The following GPD1L variants were observed in gnomAD, a reference collection of about 807,000 sequenced individuals.
GPD1L encodes glycerol-3-phosphate dehydrogenase 1-like protein.
Under a neutral mutation model 32.9 loss-of-function variants are expected in GPD1L, and 17 were observed. The ratio of observed to expected loss-of-function variants is 0.52; its 90% CI spans 0.35 to 0.78. The LOEUF is 0.78. Among genes scored for constraint, GPD1L ranks in the 30% least tolerant of loss-of-function variants. The probability of loss-of-function intolerance (pLI) is 0.01; values close to 1 mark genes in which losing one functional copy is unlikely to be tolerated. For missense variants in GPD1L, 361 were observed against 447.8 expected (o/e 0.81, Z 1.75); for synonymous variants, 187 against 165.9 (o/e 1.13, Z -0.98).
At chr3:32,123,796 A>AGATG (rs1700460218) in intron 1 of GPD1L, among the ~76,000 whole-genome samples, 1 of 118,470 alleles carries the variant, frequency 8.4e-6, no homozygotes, top group Non-Finnish European at 2.0e-5. Flanking sequence ...ATTGAAAGAT[A>AGATG]GATAGATAGA....
chr3:32,118,044 G>A (rs11719689), intron 1 of GPD1L, among the ~76,000 whole-genome samples: 67,071 of 151,938 alleles, frequency 0.44, 17,547 homozygotes, highest in African/African-American at 0.72. Flanking sequence ...ACATATTGAA[G>A]TAAGTATCAA....
intron 1 of GPD1L, among the ~76,000 whole-genome samples, chr3:32,110,534 C>G (rs1700231369): frequency 6.6e-6 from 1 of 152,246 alleles, no homozygotes. Context: ...CAATTGTCAT[C>G]AGTTGCAATA....
intron 7 of GPD1L, among the ~76,000 whole-genome samples, chr3:32,162,157 A>C (rs535676347): frequency 7.2e-5 from 11 of 152,292 alleles, no homozygotes; most frequent in African/African-American, 2.6e-4. Context: ...TTATCCACAA[A>C]ATTAAGATGG....
chr3:32,143,048 G>T (rs1253662000), intron 4 of GPD1L, among the ~76,000 whole-genome samples: 2 of 152,076 alleles, frequency 1.3e-5, no homozygotes, highest in Non-Finnish European at 2.9e-5. Flanking sequence ...GCCTGGTATG[G>T]TAGTACATAC....
chr3:32,150,191 A>G (rs1700892978), intron 5 of GPD1L, among the ~76,000 whole-genome samples: 1 of 152,160 alleles, frequency 6.6e-6, no homozygotes, highest in Non-Finnish European at 1.5e-5. Flanking sequence ...GATTTTTATA[A>G]GTGGAACTGT....
intron 1 of GPD1L, among the ~76,000 whole-genome samples, chr3:32,116,084 G>A (rs768489234): frequency 3.9e-5 from 6 of 152,118 alleles, no homozygotes; most frequent in Non-Finnish European, 5.9e-5. Flanking sequence ...CACCGTGCCC[G>A]GCCAGGTTGA....
chr3:32,116,649 C>T (rs368240524), intron 1 of GPD1L, among the ~76,000 whole-genome samples: 9 of 152,138 alleles, frequency 5.9e-5, no homozygotes, highest in Non-Finnish European at 1.2e-4. Flanking sequence ...GACTGATTTA[C>T]TACTACCAAT....
At chr3:32,159,710 G>T (rs375589412) in intron 7 of GPD1L, 36 bp downstream of exon 7, 4 of 1,217,228 alleles carry the variant, frequency 3.3e-6, no homozygotes, top group East Asian at 2.3e-5. Context: ...CCAGATAAAT[G>T]TCCATCATTC....
At chr3:32,152,404 A>G (rs188923345) in intron 5 of GPD1L, among the ~76,000 whole-genome samples, 1 of 152,282 alleles carries the variant, frequency 6.6e-6, no homozygotes, top group East Asian at 1.9e-4. Context: ...TAATGAACAG[A>G]AATGTATTGG....
intron 1 of GPD1L, among the ~76,000 whole-genome samples, chr3:32,107,947 G>A (rs1254880189): frequency 6.6e-6 from 1 of 152,106 alleles, no homozygotes; most frequent in East Asian, 1.9e-4. Flanking sequence ...GCAGTGGTGC[G>A]ATCTTGGCTC....
At position 32,166,113 on chromosome 3, in the gene GPD1L, C is replaced by T. The variant is rs968373240; in HGVS notation, c.*203C>T. On this transcript the variant is annotated 3_prime_UTR_variant, in exon 8 of 8. Transcript: ENST00000282541. The stretch of plus-strand genomic sequence containing the variant: ...GGCAGTAACTAAACACACATGCAAA[C>T]ATGTGAATGGTGGTTTATTCCTCAT... The T allele has an allele frequency of 3.3e-6, 2 of 612,234 alleles. No homozygotes were observed. Among genetic ancestry groups the T allele is most frequent in the South Asian group, 1.9e-5 (1 of 52,608 alleles). The allele number at this position is 612,234 out of a possible 1,614,324, so 37.9% of individuals were successfully genotyped here. A position where few individuals can be genotyped will look rare whatever the true frequency, so the allele number is the denominator to read the frequency against.
chr3:32,135,662 A>T (rs13320922), intron 2 of GPD1L, among the ~76,000 whole-genome samples: 1,961 of 152,236 alleles, frequency 0.013, 57 homozygotes, highest in African/African-American at 0.044. Flanking sequence ...CATGTTGGCC[A>T]GGCTGGTTTC....
At chr3:32,154,131 A>T (rs13315140) in intron 5 of GPD1L, among the ~76,000 whole-genome samples, 18,920 of 152,052 alleles carry the variant, frequency 0.12, 2,641 homozygotes, top group African/African-American at 0.34. Context: ...GAGGGAGAGA[A>T]TGAGGATTTC....
intron 1 of GPD1L, among the ~76,000 whole-genome samples, chr3:32,119,279 T>C (rs964892987): frequency 1.3e-5 from 2 of 152,238 alleles, no homozygotes; most frequent in East Asian, 1.9e-4. Flanking sequence ...CCAACACTTA[T>C]TATTTTCTGT....
intron 1 of GPD1L, among the ~76,000 whole-genome samples, chr3:32,121,215 G>T (rs1347319605): frequency 6.6e-6 from 1 of 150,546 alleles, no homozygotes; most frequent in Non-Finnish European, 1.5e-5. Flanking sequence ...CATTTCTCTT[G>T]CACTGTCTCC....
intron 1 of GPD1L, among the ~76,000 whole-genome samples, chr3:32,110,170 G>A (rs559967171): frequency 2.6e-5 from 4 of 152,240 alleles, no homozygotes; most frequent in South Asian, 2.1e-4. Context: ...TGCCTGCCTC[G>A]GCCTCCCAAA....
Position 32,138,738 on chromosome 3 carries a change from T to A in GPD1L, c.366+11T>A, listed in dbSNP as rs767879744. 8 of 1,613,510 alleles carry A rather than the reference T, an allele frequency of 5.0e-6. No homozygotes were observed. The highest frequency in any genetic ancestry group is 4.2e-6 in the Non-Finnish European group (5 of 1,179,536). Reference sequence around the variant, plus strand: ...ATCACCCTCATCAAGGTAACTCGAGTGCATGCTGCCCAGGGCTAGACATTG... The same window carrying A: ...ATCACCCTCATCAAGGTAACTCGAGAGCATGCTGCCCAGGGCTAGACATTG... On this transcript the variant is annotated intron_variant, in intron 3 of 7. Transcript: ENST00000282541.
intron 2 of GPD1L, among the ~76,000 whole-genome samples, chr3:32,137,896 G>T (rs1177344818): frequency 6.6e-6 from 1 of 152,208 alleles, no homozygotes; most frequent in Non-Finnish European, 1.5e-5. Context: ...ATGGGGTCGA[G>T]GGAATCAACA....
chr3:32,124,872 A>G (rs1329134411), intron 1 of GPD1L, among the ~76,000 whole-genome samples: 2 of 152,044 alleles, frequency 1.3e-5, no homozygotes, highest in Non-Finnish European at 2.9e-5. Context: ...GCAGTGAGCC[A>G]TGATTGCACC....
Sources: allele counts gnomAD v4.1 joint callset (sites outside exome capture counted in the v4.1 genomes callset), GRCh38; gene constraint gnomAD v4.1.1; transcripts MANE v1.5; gene names NCBI Gene and HGNC (gene_info 2026-07-23, HGNC 2026-07-21).